Variants in YES1 observed in about 807,000 individuals in gnomAD.
The protein encoded by YES1 is YES proto-oncogene 1, Src family tyrosine kinase, also known as tyrosine-protein kinase Yes.
In YES1, 39 loss-of-function variants were observed where a neutral mutation model predicts 70.4. That is an observed-to-expected ratio of 0.55 (90% CI 0.43 to 0.72). The LOEUF (loss-of-function observed/expected upper bound fraction) is 0.72, where lower values mean the gene tolerates loss of function less well. Ranked by LOEUF, YES1 falls within the 30% of genes least tolerant of loss-of-function variation. YES1 has a pLI of 0.00. For synonymous variants in YES1, 198 were observed against 218.6 expected (o/e 0.91, Z 0.83); for missense variants, 495 against 644.8 (o/e 0.77, Z 2.52).
At position 792,263 on chromosome 18, in the gene YES1, C is replaced by CA. The variant is rs200806325; in HGVS notation, c.-9+19850dup. 4.2e-3 allele frequency among the ~76,000 whole-genome samples: 642 copies of CA among 152,052 alleles called. 3 individuals are homozygous for CA. The highest frequency in any genetic ancestry group is 0.015 in the African/African-American group (613 of 41,462). On this transcript the variant is annotated intron_variant, in intron 1 of 11. Transcript: ENST00000314574. Reference sequence around the variant, plus strand: ...AGGGTGCAGTGAGCTGAGATTGTGCCACTGTACTCCAGCCTGGATGACAGA... The same window carrying CA: ...AGGGTGCAGTGAGCTGAGATTGTGCCAACTGTACTCCAGCCTGGATGACAGA...
At chr18:728,320 C>T (rs1415291403) in intron 11 of YES1, among the ~76,000 whole-genome samples, 2 of 89,104 alleles carry the variant, frequency 2.2e-5, no homozygotes, top group African/African-American at 5.4e-5. Context: ...GAGACCCTGT[C>T]TCAAAAAAAA....
intron 1 of YES1, among the ~76,000 whole-genome samples, chr18:770,268 C>CT (rs11324966): frequency 0.013 from 1,853 of 140,132 alleles, 32 homozygotes; most frequent in African/African-American, 0.039. Context: ...GCCCTTTTAT[C>CT]TTTTTTTTTT....
chr18:757,416 T>G (rs1374889209), intron 1 of YES1, among the ~76,000 whole-genome samples: 2 of 146,924 alleles, frequency 1.4e-5, no homozygotes, highest in Non-Finnish European at 3.0e-5. Flanking sequence ...GGCAGGAGAA[T>G]GGCGTGAACC....
At chr18:748,751 C>T (rs1225463222) in intron 3 of YES1, among the ~76,000 whole-genome samples, 2 of 151,970 alleles carry the variant, frequency 1.3e-5, no homozygotes, top group Non-Finnish European at 2.9e-5. Flanking sequence ...ATGCTTTTCT[C>T]TTTATAGTAC....
rs192435458 is a variant in YES1 at position 770,149 on chromosome 18, A to G, written c.-8-13314T>C. ...TAATTTTTGTATTTTTAGTAGAGAC[A>G]GGGTTTCACCATGTTAGCCAGGATT... On this transcript the variant is annotated intron_variant, in intron 1 of 11. Transcript: ENST00000314574. Among the ~76,000 whole-genome samples the G allele has an allele frequency of 3.5e-3, 539 of 152,010 alleles. 4 individuals carry two copies. The highest frequency in any genetic ancestry group is 0.012 in the African/African-American group (509 of 41,482).
intron 10 of YES1, 71 bp downstream of exon 10, chr18:736,737 A>C: frequency 6.5e-7 from 1 of 1,542,880 alleles, no homozygotes; most frequent in Non-Finnish European, 8.7e-7. Context: ...ATTCTGGAAA[A>C]CCCTGTATAG....
At chr18:756,530 C>T (rs1462529846) in intron 2 of YES1, 27 bp downstream of exon 2, 1 of 1,612,372 alleles carries the variant, frequency 6.2e-7, no homozygotes, top group East Asian at 2.2e-5. Flanking sequence ...CTCAAACAGA[C>T]AACATAATTG....
At chr18:732,437 A>AAAC (rs2080102252) in intron 11 of YES1, among the ~76,000 whole-genome samples, 1 of 126,434 alleles carries the variant, frequency 7.9e-6, no homozygotes, top group African/African-American at 3.0e-5. Context: ...ACTGTGTTTA[A>AAAC]AAAAAAAAAA....
At chr18:780,031 C>T (rs573945344) in intron 1 of YES1, among the ~76,000 whole-genome samples, 9 of 151,492 alleles carry the variant, frequency 5.9e-5, no homozygotes, top group Non-Finnish European at 1.3e-4. Flanking sequence ...GTCAGGAGTT[C>T]GAAACCAGCC....
rs1028660575 is a variant in YES1 at position 802,561 on chromosome 18, A to G, written c.-9+9553T>C. On this transcript the variant is annotated intron_variant, in intron 1 of 11. Transcript: ENST00000314574. ...CTCCATCTCAAAAAAAAAAAAAAAA[A>G]GTATTAATTGAACATTCTCTGCCAG... 3.8e-4 allele frequency among the ~76,000 whole-genome samples: 58 copies of G among 151,176 alleles called. 2 individuals carry two copies. The highest frequency in any genetic ancestry group is 1.4e-3 in the African/African-American group (57 of 41,072).
intron 9 of YES1, 65 bp from the exon 10 acceptor site, chr18:737,026 T>C (rs1260729124): frequency 1.5e-6 from 2 of 1,319,244 alleles, no homozygotes; most frequent in East Asian, 2.5e-5. Context: ...AGAAGACAAT[T>C]ATGGTTAATA....
At chr18:761,790 C>A (rs1399716636) in intron 1 of YES1, among the ~76,000 whole-genome samples, 2 of 152,210 alleles carry the variant, frequency 1.3e-5, no homozygotes, top group African/African-American at 4.8e-5. Flanking sequence ...CATTGCTGCT[C>A]ATCTCATTTT....
chr18:735,512 A>C (rs564270008), intron 10 of YES1, among the ~76,000 whole-genome samples: 5 of 152,016 alleles, frequency 3.3e-5, no homozygotes, highest in Non-Finnish European at 7.4e-5. Context: ...TGGGGGGTGG[A>C]TAAAAGACTA....
chr18:777,401 C>T (rs540983978), intron 1 of YES1, among the ~76,000 whole-genome samples: 2 of 152,312 alleles, frequency 1.3e-5, no homozygotes, highest in African/African-American at 2.4e-5. Flanking sequence ...AAAGCCAAGC[C>T]TAACAAAAAT....
At chr18:799,921 GA>G (rs1906737029) in intron 1 of YES1, among the ~76,000 whole-genome samples, 2 of 151,594 alleles carry the variant, frequency 1.3e-5, no homozygotes, top group Non-Finnish European at 2.9e-5. Flanking sequence ...AAAAAAAAAA[GA>G]AGGTATGATT....
At position 746,009 on chromosome 18, in the gene YES1, T is replaced by G; in HGVS notation, c.513A>C (p.Leu171Phe). The G allele has an allele frequency of 6.2e-7, 1 of 1,613,024 alleles. No individual in the cohort carries two copies. The highest frequency in any genetic ancestry group is 2.2e-5 in the East Asian group (1 of 44,782). The change falls in exon 5 of 12, where the codon TTA becomes TTC. Residue 171 changes from leucine to phenylalanine, a missense_variant. By Grantham distance (22) the Leu-to-Phe change is conservative. Coordinates refer to ENST00000314574, the MANE Select transcript of YES1 (RefSeq NM_005433.4). Reference sequence around the variant, plus strand: ...CTCGTTGATTTCCAGGATTCAAAAGTAATCTTTCAGCATCTTTTCTCCCCA... The same window carrying G: ...CTCGTTGATTTCCAGGATTCAAAAGGAATCTTTCAGCATCTTTTCTCCCCA... ...GKMGRKDAER[L>F]LLNPGNQRGI...
At chr18:779,056 T>C (rs1006015725) in intron 1 of YES1, among the ~76,000 whole-genome samples, 1 of 152,140 alleles carries the variant, frequency 6.6e-6, no homozygotes, top group Non-Finnish European at 1.5e-5. Flanking sequence ...AACCTCGTAG[T>C]TTCTTTAATG....
At chr18:744,689 CTTTTTTTTTTT>C (rs71174284) in intron 6 of YES1, among the ~76,000 whole-genome samples, 2 of 56,876 alleles carry the variant, frequency 3.5e-5, no homozygotes, top group Admixed American at 2.9e-4. Context: ...CACGCCTGGC[CTTTTTTTTTTT>C]TTTTTTTTTT....
intron 1 of YES1, among the ~76,000 whole-genome samples, chr18:796,902 T>C (rs1388998828): frequency 6.6e-6 from 1 of 152,096 alleles, no homozygotes; most frequent in Non-Finnish European, 1.5e-5. Context: ...AGTAGTGAGG[T>C]ATATCATCTG....
Sources: allele counts gnomAD v4.1 joint callset (sites outside exome capture counted in the v4.1 genomes callset), GRCh38; gene constraint gnomAD v4.1.1; transcripts MANE v1.5; gene names NCBI Gene and HGNC (gene_info 2026-07-23, HGNC 2026-07-21).